Variants in NBPF11 observed in about 807,000 individuals in gnomAD.
NBPF11 encodes NBPF member 11, also known as NBPF family member NBPF11.
A neutral mutation model predicts 93.9 loss-of-function variants in NBPF11; 72 were observed. The observed-to-expected ratio is 0.77, with a 90% CI of 0.63 to 0.93. The LOEUF (loss-of-function observed/expected upper bound fraction) is 0.93. NBPF11 is among the 40% of genes least tolerant of loss of function. The pLI is 0.00. For synonymous variants in NBPF11, 224 were observed against 304.9 expected, an observed-to-expected ratio of 0.73 and a Z score of 2.76; for missense variants, 705 against 802.2, an observed-to-expected ratio of 0.88 and a Z score of 1.46.
chr1:148,106,591 G>T (rs1663685398), intron 20 of NBPF11, among the ~76,000 whole-genome samples: 1 of 141,368 alleles, frequency 7.1e-6, no homozygotes, highest in African/African-American at 2.8e-5. Context: ...CTCGTTCACG[G>T]ATGCAAGAAT....
rs1249143127 is a variant in NBPF11, at chr1:148,114,347, T to C, written c.1637+90A>G. On this transcript the variant is annotated intron_variant, in intron 15 of 23. Transcript: ENST00000682118. ...TTTGTAGCTGGGTGAATGGAAGAAA[T>C]AGTTCTATTCATCACTTCCTCATTT... The C allele has an allele frequency of 1.8e-5, 11 of 597,784 alleles. No individual in the cohort carries two copies. In the East Asian group the frequency reaches 2.8e-4, roughly 15 times the overall value. The allele number at this position is 597,784 out of a possible 1,614,324, so 37.0% of individuals were successfully genotyped here.
intron 16 of NBPF11, 49 bp from the exon 17 acceptor site, chr1:148,109,384 G>A: frequency 4.4e-6 from 4 of 916,216 alleles, no homozygotes; most frequent in Admixed American, 1.7e-5. Context: ...GTTCTTCCTT[G>A]CACACAGAAA....
chr1:148,115,164 CAAAAAAAAAAAAAAAAAA>C (rs57869119), intron 14 of NBPF11, among the ~76,000 whole-genome samples: 1 of 12,154 alleles, frequency 8.2e-5, no homozygotes, highest in Non-Finnish European at 1.3e-4. Context: ...GACTCCATCA[CAAAAAAAAAAAAAAAAAA>C]AAAAAAAAAA....
chr1:148,146,514 G>C, intron 1 of NBPF11: 2 of 1,603,454 alleles, frequency 1.2e-6, no homozygotes, highest in East Asian at 2.2e-5. Context: ...TGGTGCCTGA[G>C]CCCGAGCTGG....
chr1:148,125,811 G>A (rs1668978017), intron 5 of NBPF11, among the ~76,000 whole-genome samples: 1 of 151,878 alleles, frequency 6.6e-6, no homozygotes, highest in African/African-American at 2.4e-5. Flanking sequence ...GGACAGACAA[G>A]ACAAGCAACA....
Position 148,108,541 on chromosome 1 carries a change from T to C in NBPF11, c.1967A>G (p.Tyr656Cys). Residue 656 changes from tyrosine to cysteine, a missense_variant, in exon 18 of 24, where the codon TAC (tyrosine) becomes TGC (cysteine). Tyr to Cys is a radical substitution (Grantham distance 194). This residue lies in a region of NBPF11 where 97 missense variants were observed against 65.0 expected (regional missense o/e 1.49). Transcript: ENST00000682118. ...YLGLTDSCQP[Y>C]RSAFYVLEQQ... Reference sequence around the variant, plus strand: ...CTCCAATACGTAAAAGGCACTTCTGTAGGGCTGGCATGAGTCAGTCAGTCC... The same window carrying C: ...CTCCAATACGTAAAAGGCACTTCTGCAGGGCTGGCATGAGTCAGTCAGTCC... 1.2e-6 allele frequency: 2 copies of C among 1,602,872 alleles called. No homozygotes were observed. Among genetic ancestry groups the C allele is most frequent in the Non-Finnish European group, 8.5e-7 (1 of 1,172,492 alleles).
In NBPF11 at chr1:148,110,414, C is replaced by G; in HGVS notation, c.1765G>C (p.Glu589Gln). ...ACAGCCATGCAGACTTGCTGTTCCT[C>G]TAATGAGTGAAATGTGCTGCTGTAA... Reference protein sequence around the residue: ...QSYSSTFHSLEEQQVCMAVDI... With the variant: ...QSYSSTFHSLQEQQVCMAVDI... Residue 589 changes from glutamate to glutamine, a missense_variant, in exon 16 of 24, where the codon GAG becomes CAG. By Grantham distance (29) the Glu-to-Gln change is conservative. Around this residue, in one of 12 missense-constraint regions of NBPF11, gnomAD observed 19 missense variants for 16.3 expected, o/e 1.17. Coordinates refer to ENST00000682118, the MANE Select transcript of NBPF11 (RefSeq NM_001385469.3). 2 of 1,593,746 alleles carry G rather than the reference C, an allele frequency of 1.3e-6. No homozygotes were observed. The highest frequency in any genetic ancestry group is 1.7e-6 in the Non-Finnish European group (2 of 1,165,236).
At position 148,126,022 on chromosome 1, in the gene NBPF11, G is replaced by C. The variant is rs1396041180; in HGVS notation, c.175+807C>G. The stretch of plus-strand genomic sequence containing the variant: ...TTATCTTTTTGTTTGTTTGTTTTTT[G>C]ACGAGTCTTGCCCTGTCACCCATGC... On this transcript the variant is annotated intron_variant, in intron 5 of 23. Transcript: ENST00000682118. Among the ~76,000 whole-genome samples, 324 of 151,626 alleles carry C rather than the reference G, an allele frequency of 2.1e-3. 8 individuals are homozygous for C. Among genetic ancestry groups the C allele is most frequent in the African/African-American group, 7.4e-3 (305 of 41,130 alleles).
At chr1:148,106,791 G>A (rs1255610287) in intron 20 of NBPF11, 151 bp downstream of exon 20, 2 of 691,008 alleles carry the variant, frequency 2.9e-6, no homozygotes, top group Admixed American at 2.1e-5. Context: ...TTCCAGCTGA[G>A]ACTACAGTTT....
At chr1:148,138,784 ATCTC>A (rs1671744386) in intron 2 of NBPF11, among the ~76,000 whole-genome samples, 1 of 151,810 alleles carries the variant, frequency 6.6e-6, no homozygotes, top group Admixed American at 6.5e-5. Flanking sequence ...TAACAATCTG[ATCTC>A]TCTTTCTTTT....
chr1:148,139,188 A>T (rs1181761477), intron 2 of NBPF11, among the ~76,000 whole-genome samples: 5 of 151,600 alleles, frequency 3.3e-5, no homozygotes, highest in South Asian at 2.1e-4. Flanking sequence ...AGGAGATTTT[A>T]AAAAATTCCT....
At chr1:148,126,770 A>G in intron 5 of NBPF11, 59 bp downstream of exon 5, 1 of 1,564,932 alleles carries the variant, frequency 6.4e-7, no homozygotes, top group East Asian at 2.2e-5. Flanking sequence ...TTTTTGATGG[A>G]GAGAGCATTT....
intron 1 of NBPF11, chr1:148,146,862 G>A: frequency 6.2e-7 from 1 of 1,613,768 alleles, no homozygotes; most frequent in Non-Finnish European, 8.5e-7. Flanking sequence ...GCTCGGGCAG[G>A]CCTTCCGAGA....
Position 148,103,184 on chromosome 1 carries a change from G to C in NBPF11, c.*712C>G, listed in dbSNP as rs1662696775. 2 of 197,668 alleles carry C rather than the reference G, an allele frequency of 1.0e-5. No homozygotes were observed. Among genetic ancestry groups the C allele is most frequent in the African/African-American group, 4.9e-5 (2 of 40,760 alleles). 12.2% of individuals were successfully genotyped at this position (197,668 alleles called of 1,614,324 possible). A position where few individuals can be genotyped will look rare whatever the true frequency, so the allele number is the denominator to read the frequency against. ...ATTGTCAAGAGCAGTTGGTGGTTCT[G>C]AAATACAATCCTCAGCCAAGGATCC... On this transcript the variant is annotated 3_prime_UTR_variant, in exon 24 of 24. Transcript: ENST00000682118.
chr1:148,149,235 C>T, intron 1 of NBPF11: 3 of 1,575,254 alleles, frequency 1.9e-6, no homozygotes, highest in Non-Finnish European at 2.6e-6. Context: ...GACCTGGCCT[C>T]GCGCTACGAG....
chr1:148,133,635 AT>A (rs1670798492), intron 4 of NBPF11, among the ~76,000 whole-genome samples: 1 of 151,958 alleles, frequency 6.6e-6, no homozygotes, highest in Non-Finnish European at 1.5e-5. Context: ...ATAAAATGAT[AT>A]TTTTTAAATA....
intron 7 of NBPF11, among the ~76,000 whole-genome samples, chr1:148,123,223 C>T (rs1439339234): frequency 1.8e-4 from 28 of 152,054 alleles, no homozygotes; most frequent in East Asian, 1.9e-4. Flanking sequence ...TGAGACTGCA[C>T]AGGCCCTCCA....
Position 148,135,700 on chromosome 1 carries a change from A to C in NBPF11, c.-64T>G. The C allele has an allele frequency of 1.5e-6, 1 of 688,732 alleles. No individual in the cohort carries two copies. Among genetic ancestry groups the C allele is most frequent in the East Asian group, 2.7e-5 (1 of 37,060 alleles). The allele number at this position is 688,732 out of a possible 1,614,324, so 42.7% of individuals were successfully genotyped here. On this transcript the variant is annotated 5_prime_UTR_variant, in exon 4 of 24. Coordinates refer to ENST00000682118, the MANE Select transcript of NBPF11 (RefSeq NM_001385469.3). ...GATCCATAGGCTCACATTTGATCCC[A>C]ACTGGCAGCTGCTTCTTGGCATTAA...
chr1:148,125,005 A>C lies in NBPF11; in HGVS notation c.176-4T>G. The C allele has an allele frequency of 6.4e-7, 1 of 1,573,946 alleles. No individual in the cohort carries two copies. Among genetic ancestry groups the C allele is most frequent in the Non-Finnish European group, 8.7e-7 (1 of 1,149,006 alleles). ...AGGTCTTTACACTCTTCATACTCTGAGAAAAGACAGACACGCCTGCCTCAG... is the reference window on the plus strand; with the variant it reads ...AGGTCTTTACACTCTTCATACTCTGCGAAAAGACAGACACGCCTGCCTCAG... On this transcript the variant is annotated splice_region_variant and splice_polypyrimidine_tract_variant and intron_variant, in intron 5 of 23. Coordinates refer to ENST00000682118, the MANE Select transcript of NBPF11 (RefSeq NM_001385469.3).
Sources: gnomAD v4.1 joint callset for allele counts (sites outside exome capture counted in the v4.1 genomes callset) on GRCh38, gnomAD v4.1.1 for gene constraint, gnomAD v4.1.1 regional missense constraint, MANE v1.5 for transcripts, NCBI Gene and HGNC (gene_info 2026-07-23, HGNC 2026-07-21) for gene names.